ERICH1: variants seen among roughly 807,000 people sequenced by gnomAD.
The protein encoded by ERICH1 is glutamate rich 1, also known as glutamate-rich protein 1.
Under a neutral mutation model 39.6 loss-of-function variants are expected in ERICH1, and 56 were observed. The observed-to-expected ratio is 1.41, with a 90% CI of 1.14 to 1.77. The LOEUF is 1.77. Ranked by LOEUF, ERICH1 falls within the 40% of genes most tolerant of loss-of-function variation. ERICH1 has a pLI of 0.00. For missense variants in ERICH1, 826 were observed against 575.4 expected, an observed-to-expected ratio of 1.44 and a Z score of -4.45; for synonymous variants, 313 against 223.6, an observed-to-expected ratio of 1.40 and a Z score of -3.57.
chr8:683,430 G>T (rs1429502269), intron 3 of ERICH1, among the ~76,000 whole-genome samples: 1 of 152,188 alleles, frequency 6.6e-6, no homozygotes, highest in Admixed American at 6.5e-5. Context: ...CAGCCGTGAG[G>T]GTCAGCAGGT....
intron 1 of ERICH1, among the ~76,000 whole-genome samples, chr8:719,778 T>A (rs1816863224): frequency 6.6e-6 from 1 of 152,202 alleles, no homozygotes; most frequent in Non-Finnish European, 1.5e-5. Context: ...ATTTAATACT[T>A]TAAGGACTCG....
At chr8:699,838 G>A (rs113435124) in intron 2 of ERICH1, among the ~76,000 whole-genome samples, 2 of 58,384 alleles carry the variant, frequency 3.4e-5, no homozygotes, top group Non-Finnish European at 7.0e-5. Flanking sequence ...GACCCGCACA[G>A]GCGCACAGAC....
intron 2 of ERICH1, among the ~76,000 whole-genome samples, chr8:709,379 G>GAAC (rs1485601086): frequency 6.6e-6 from 1 of 152,190 alleles, no homozygotes; most frequent in East Asian, 1.9e-4. Context: ...CACCCTGGGG[G>GAAC]GTTCAGCCCT....
intron 2 of ERICH1, among the ~76,000 whole-genome samples, chr8:707,454 C>G (rs149253879): frequency 8.9e-4 from 136 of 152,208 alleles, no homozygotes; most frequent in African/African-American, 3.2e-3. Context: ...GTGATCCATC[C>G]ACCTCAGCCT....
intron 3 of ERICH1, among the ~76,000 whole-genome samples, chr8:655,246 G>A (rs1800482121): frequency 6.6e-6 from 1 of 152,208 alleles, no homozygotes; most frequent in Non-Finnish European, 1.5e-5. Context: ...GGAGACAGAC[G>A]CTGTCCAACT....
chr8:680,518 A>ACC (rs1805869757), intron 3 of ERICH1, among the ~76,000 whole-genome samples: 1 of 140,296 alleles, frequency 7.1e-6, no homozygotes, highest in Non-Finnish European at 1.5e-5. Flanking sequence ...CACAGCTGCC[A>ACC]CCTCCCCCGG....
chr8:662,826 C>T (rs1801628770), downstream of ERICH1, among the ~76,000 whole-genome samples: 1 of 152,118 alleles, frequency 6.6e-6, no homozygotes, highest in Admixed American at 6.5e-5. Context: ...CTCCTGGCCA[C>T]TCCCACGCCT....
At position 699,274 on chromosome 8, in the gene ERICH1, C is replaced by T. The variant is rs1811107115; in HGVS notation, c.170-6662G>A. Reference sequence around the variant, plus strand: ...ATTTCCCACCTGCATGGATAACTGGCAAAATGCTACCGGGGGGAGCGCCAG... The same window carrying T: ...ATTTCCCACCTGCATGGATAACTGGTAAAATGCTACCGGGGGGAGCGCCAG... On this transcript the variant is annotated intron_variant, in intron 2 of 5. Transcript: ENST00000262109. Among the ~76,000 whole-genome samples the T allele has an allele frequency of 1.3e-5, 2 of 152,126 alleles. 1 individual carries two copies. The highest frequency in any genetic ancestry group is 4.8e-5 in the African/African-American group (2 of 41,430).
chr8:616,423 C>G (rs1584918993), intron 3 of ERICH1: 1 of 422,068 alleles, frequency 2.4e-6, no homozygotes, highest in Non-Finnish European at 4.8e-6. Context: ...TGACCGAACC[C>G]CGCACACCCC....
Position 664,640 on chromosome 8 carries a change from C to T in ERICH1, c.1295G>A (p.Trp432Ter), listed in dbSNP as rs1801914449. 1.2e-6 allele frequency: 2 copies of T among 1,612,446 alleles called. No individual in the cohort carries two copies. Among genetic ancestry groups the T allele is most frequent in the South Asian group, 1.1e-5 (1 of 90,780 alleles). Reference sequence around the variant, plus strand: ...CTTCTCAGGAAGGATATGTGTGATCCAGTAACTAAAGAAAGCTGAGATTAC... The same window carrying T: ...CTTCTCAGGAAGGATATGTGTGATCTAGTAACTAAAGAAAGCTGAGATTAC... ...ARVISAFFSY[W>*]ITHILPEKSS... The change falls in exon 6 of 6, where the codon TGG (tryptophan) becomes TAG (stop). Residue 432 changes from tryptophan (W) to a stop codon, truncating the protein, a stop_gained. Transcript: ENST00000262109. LOFTEE classifies it high-confidence loss of function.
chr8:626,897 A>G, intron 3 of ERICH1: 2 of 310,954 alleles, frequency 6.4e-6, no homozygotes, highest in South Asian at 5.3e-5. Context: ...GAACCTGTTC[A>G]TTCTTGCCTA....
chr8:685,292 G>T (rs2131991522), intron 3 of ERICH1, among the ~76,000 whole-genome samples: 1 of 152,308 alleles, frequency 6.6e-6, no homozygotes, highest in East Asian at 1.9e-4. Flanking sequence ...GTCCTGCCCG[G>T]CTCCCAGGCA....
chr8:716,637 C>T (rs576541288), intron 1 of ERICH1, among the ~76,000 whole-genome samples: 79 of 152,306 alleles, frequency 5.2e-4, no homozygotes, highest in Non-Finnish European at 9.1e-4. Flanking sequence ...GTGGGACAAA[C>T]GGTCATAATG....
At chr8:632,925 G>C (rs1001919620) in intron 3 of ERICH1, among the ~76,000 whole-genome samples, 2 of 152,232 alleles carry the variant, frequency 1.3e-5, no homozygotes, top group Non-Finnish European at 2.9e-5. Flanking sequence ...CGGTGCACAG[G>C]ATGCCCCACA....
chr8:617,003 C>G lies in ERICH1; in HGVS notation c.977-1719G>C, dbSNP rs1796962266. 1.4e-5 allele frequency among the ~76,000 whole-genome samples: 2 copies of G among 146,704 alleles called. 1 individual carries two copies. Among genetic ancestry groups the G allele is most frequent in the African/African-American group, 5.1e-5 (2 of 39,340 alleles). On this transcript the variant is annotated intron_variant, in intron 3 of 3. Transcript: ENST00000522706. ...GAGAGACATTGGTTATATAAGCGAGCAAATATCCAGAAGGAAGAAAAACGA... is the reference window on the plus strand; with the variant it reads ...GAGAGACATTGGTTATATAAGCGAGGAAATATCCAGAAGGAAGAAAAACGA...
At position 701,358 on chromosome 8, in the gene ERICH1, C is replaced by G. The variant is rs554823318; in HGVS notation, c.170-8746G>C. ...GAGCACGCCGTACCCACGGGTCTAC[C>G]CTGCTGGACGGGAGCACGCCATACC... is the stretch of plus-strand genomic sequence containing the variant. On this transcript the variant is annotated intron_variant, in intron 2 of 5. Coordinates refer to ENST00000262109, the MANE Select transcript of ERICH1 (RefSeq NM_207332.3). Among the ~76,000 whole-genome samples, 272 of 152,118 alleles carry G rather than the reference C, an allele frequency of 1.8e-3. 4 individuals carry two copies. Among genetic ancestry groups the G allele is most frequent in the African/African-American group, 6.3e-3 (263 of 41,488 alleles).
chr8:645,871 C>T (rs1799459570), intron 3 of ERICH1, among the ~76,000 whole-genome samples: 1 of 69,062 alleles, frequency 1.4e-5, no homozygotes, highest in African/African-American at 3.6e-5. Context: ...ACATCTGGCT[C>T]CTTCTGTTCT....
chr8:631,424 C>T (rs1298421578), intron 3 of ERICH1, among the ~76,000 whole-genome samples: 6 of 152,030 alleles, frequency 3.9e-5, no homozygotes, highest in South Asian at 2.1e-4. Flanking sequence ...GTCATGCAGG[C>T]GGGTGAGGAT....
intron 2 of ERICH1, among the ~76,000 whole-genome samples, chr8:693,711 G>C (rs1809485476): frequency 6.6e-6 from 1 of 151,806 alleles, no homozygotes; most frequent in Admixed American, 6.6e-5. Flanking sequence ...TCACCACCGT[G>C]GACGGCGGCT....
Sources: gnomAD v4.1 joint callset for allele counts (sites outside exome capture counted in the v4.1 genomes callset) on GRCh38, gnomAD v4.1.1 for gene constraint, MANE v1.5 for transcripts, NCBI Gene and HGNC (gene_info 2026-07-23, HGNC 2026-07-21) for gene names.